The following AKAP7 variants were observed in gnomAD, a reference collection of about 807,000 sequenced individuals.
AKAP7 encodes the protein A kinase (PRKA) anchor protein 7.
A neutral mutation model predicts 39.5 loss-of-function variants in AKAP7; 39 were observed. The observed-to-expected ratio is 0.99, with a 90% CI of 0.76 to 1.29. The LOEUF (loss-of-function observed/expected upper bound fraction) is 1.29. Ranked by LOEUF, AKAP7 falls within the 50% of genes most tolerant of loss-of-function variation. AKAP7 has a pLI of 0.00. For missense variants in AKAP7, 414 were observed against 407.7 expected (o/e 1.02, Z -0.13); for synonymous variants, 140 against 139.1 (o/e 1.01, Z -0.05).
At chr6:131,136,783 G>A in intron 1 of AKAP7, 2 of 880,834 alleles carry the variant, frequency 2.3e-6, no homozygotes, top group South Asian at 5.2e-5. Flanking sequence ...AGGAGGAAAG[G>A]AAAGCCTGGA....
At chr6:131,223,508 C>G (rs1809883463) in intron 7 of AKAP7, among the ~76,000 whole-genome samples, 1 of 152,106 alleles carries the variant, frequency 6.6e-6, no homozygotes, top group African/African-American at 2.4e-5. Context: ...TATTCTGAAA[C>G]ATCTCAAGTC....
chr6:131,222,994 AC>A (rs1809842797), intron 7 of AKAP7, among the ~76,000 whole-genome samples: 1 of 152,192 alleles, frequency 6.6e-6, no homozygotes, highest in Non-Finnish European at 1.5e-5. Flanking sequence ...AACAGACAAG[AC>A]CTTCCACCAG....
At chr6:131,142,410 C>A (rs1301578533) in intron 1 of AKAP7, among the ~76,000 whole-genome samples, 2 of 152,204 alleles carry the variant, frequency 1.3e-5, no homozygotes, top group Non-Finnish European at 2.9e-5. Context: ...CTCAAAAGGC[C>A]CCAGCGACAG....
At chr6:131,241,165 G>A (rs1811522154) in intron 7 of AKAP7, among the ~76,000 whole-genome samples, 1 of 152,162 alleles carries the variant, frequency 6.6e-6, no homozygotes, top group Non-Finnish European at 1.5e-5. Flanking sequence ...TGCTGGTACA[G>A]TATAAGCACG....
intron 5 of AKAP7, among the ~76,000 whole-genome samples, chr6:131,197,886 C>T (rs1276745838): frequency 2.6e-5 from 4 of 152,106 alleles, no homozygotes; most frequent in East Asian, 3.9e-4. Context: ...GTGAAGGCCC[C>T]GAGCTGTGGG....
intron 6 of AKAP7, among the ~76,000 whole-genome samples, chr6:131,218,637 G>T (rs1809418404): frequency 6.6e-6 from 1 of 152,106 alleles, no homozygotes; most frequent in African/African-American, 2.4e-5. Flanking sequence ...TGAGTTGCAG[G>T]GCCATTGTAT....
chr6:131,199,472 A>G lies in AKAP7; in HGVS notation c.601A>G (p.Arg201Gly). Residue 201 changes from arginine to glycine, a missense_variant, in exon 6 of 8, where the codon AGG becomes GGG. Transcript: ENST00000431975. The part of the protein sequence containing the change: ...SLLEIAETAN[R>G]TFQEKGILVG... ...TTTATTTTCTTCAGAGACTGCAAAT[A>G]GGACATTTCAAGAAAAAGGCATCCT... 2 of 1,594,682 alleles carry G rather than the reference A, an allele frequency of 1.3e-6. No individual in the cohort carries two copies. The highest frequency in any genetic ancestry group is 1.7e-6 in the Non-Finnish European group (2 of 1,163,502).
At chr6:131,262,213 T>C (rs1813403773) in intron 7 of AKAP7, among the ~76,000 whole-genome samples, 1 of 152,322 alleles carries the variant, frequency 6.6e-6, no homozygotes, top group African/African-American at 2.4e-5. Flanking sequence ...ATGAGAGTAA[T>C]GAACAAATAG....
Position 131,147,744 on chromosome 6 carries a change from G to A in AKAP7, c.151+2328G>A, listed in dbSNP as rs1025771716. Among the ~76,000 whole-genome samples the A allele has an allele frequency of 2.6e-5, 4 of 152,162 alleles. No homozygotes were observed. In the South Asian group the frequency reaches 6.2e-4, roughly 24 times the overall value. Reference sequence around the variant, plus strand: ...TGCCCACCATGGGCCTCACTCACCCGCGTTCTCCCTGTGAGCCTTGTTCCA... The same window carrying A: ...TGCCCACCATGGGCCTCACTCACCCACGTTCTCCCTGTGAGCCTTGTTCCA... On this transcript the variant is annotated intron_variant, in intron 2 of 7. Transcript: ENST00000431975.
rs147384879 is a variant in AKAP7 at position 131,194,149 on chromosome 6, C to CT, written c.590-5304dup. ...TTAGGTTATCTATTTAAAAGTTTTG[C>CT]TTTTTTTTGATGTAGGCACTTAAAA... On this transcript the variant is annotated intron_variant, in intron 5 of 7. Coordinates refer to ENST00000431975, the MANE Select transcript of AKAP7 (RefSeq NM_016377.4). Among the ~76,000 whole-genome samples the CT allele has an allele frequency of 0.014, 2,180 of 151,394 alleles. 146 individuals are homozygous for CT. In the East Asian group the frequency reaches 0.18, roughly 12 times the overall value.
At chr6:131,275,653 G>A (rs77752420) in intron 7 of AKAP7, among the ~76,000 whole-genome samples, 50 of 152,288 alleles carry the variant, frequency 3.3e-4, no homozygotes, top group East Asian at 1.7e-3. Context: ...AACATCCATC[G>A]CATGTCTGCC....
intron 6 of AKAP7, among the ~76,000 whole-genome samples, chr6:131,218,579 T>C (rs1229587933): frequency 6.6e-6 from 1 of 152,208 alleles, no homozygotes; most frequent in African/African-American, 2.4e-5. Flanking sequence ...AGAAAATATA[T>C]ATTCTAGTTA....
upstream of AKAP7, among the ~76,000 whole-genome samples, chr6:131,130,524 G>A (rs1415676356): frequency 1.3e-5 from 2 of 152,184 alleles, no homozygotes; most frequent in Non-Finnish European, 2.9e-5. Context: ...TCAAACTCCT[G>A]ACCTCAGGTT....
In AKAP7 at chr6:131,169,261, T is replaced by C. The variant is rs1353346469; in HGVS notation, c.577T>C (p.Leu193=). The C allele has an allele frequency of 1.3e-5, 21 of 1,613,750 alleles. No homozygotes were observed. Among genetic ancestry groups the C allele is most frequent in the Non-Finnish European group, 1.8e-5 (21 of 1,179,912 alleles). The part of the protein sequence containing the change: ...LAEGDHVNSL[L]EIAETANRTF... The stretch of plus-strand genomic sequence containing the variant: ...AGAAGGAGATCATGTAAACTCACTT[T>C]TGGAGATAGCAGGTAAAACAGCAAC... Residue 193 remains leucine (L), a synonymous_variant, in exon 5 of 8, where the codon TTG becomes CTG. Coordinates refer to ENST00000431975, the MANE Select transcript of AKAP7 (RefSeq NM_016377.4).
At chr6:131,265,165 T>C (rs950341445) in intron 7 of AKAP7, among the ~76,000 whole-genome samples, 3 of 152,324 alleles carry the variant, frequency 2.0e-5, no homozygotes, top group African/African-American at 4.8e-5. Flanking sequence ...GACAGAGTCT[T>C]GCTCTGTTGC....
Position 131,135,516 on chromosome 6 carries a change from G to GGGT in AKAP7, c.-247_-246insGTG. The GGGT allele has an allele frequency of 1.2e-5, 2 of 162,172 alleles. No individual in the cohort carries two copies. Among genetic ancestry groups the GGGT allele is most frequent in the South Asian group, 3.7e-4 (2 of 5,382 alleles). The allele number at this position is 162,172 out of a possible 1,614,324, so 10.0% of individuals were successfully genotyped here. A position where few individuals can be genotyped will look rare whatever the true frequency, so the allele number is the denominator to read the frequency against. On this transcript the variant is annotated 5_prime_UTR_variant, in exon 1 of 8. Coordinates refer to ENST00000431975, the MANE Select transcript of AKAP7 (RefSeq NM_016377.4). ...GGCATGCGGGTGCTGCGGCTGCTGCGGCTGCCGCCGCCGCTGCTGCCGCTG... is the reference window on the plus strand; with the variant it reads ...GGCATGCGGGTGCTGCGGCTGCTGCGGGTGCTGCCGCCGCCGCTGCTGCCGCTG...
chr6:131,234,131 T>C (rs931085223), intron 7 of AKAP7, among the ~76,000 whole-genome samples: 9 of 152,226 alleles, frequency 5.9e-5, no homozygotes, highest in African/African-American at 2.2e-4. Context: ...TGCTGACTAC[T>C]GTGCACATAA....
At chr6:131,273,378 T>C (rs1276824213) in intron 7 of AKAP7, among the ~76,000 whole-genome samples, 1 of 152,186 alleles carries the variant, frequency 6.6e-6, no homozygotes, top group Non-Finnish European at 1.5e-5. Context: ...GTTTTCTACT[T>C]GTCTCATCTG....
chr6:131,270,173 T>C (rs981745592), intron 7 of AKAP7, among the ~76,000 whole-genome samples: 1 of 152,308 alleles, frequency 6.6e-6, no homozygotes, highest in Admixed American at 6.5e-5. Context: ...AGCACCACAA[T>C]CAAGATTGTG....
Sources: allele counts gnomAD v4.1 joint callset (sites outside exome capture counted in the v4.1 genomes callset), GRCh38; gene constraint gnomAD v4.1.1; transcripts MANE v1.5; gene names NCBI Gene and HGNC (gene_info 2026-07-23, HGNC 2026-07-21).